PRKAR2B: variants seen among roughly 807,000 people sequenced by gnomAD.
PRKAR2B encodes protein kinase cAMP-dependent type II regulatory subunit beta.
In PRKAR2B, 14 loss-of-function variants were observed where a neutral mutation model predicts 49.9. The observed-to-expected ratio is 0.28, with a 90% CI of 0.19 to 0.44. PRKAR2B has a LOEUF of 0.44. Among genes scored for constraint, PRKAR2B ranks in the 20% least tolerant of loss-of-function variants. PRKAR2B has a pLI of 1.00. For missense variants in PRKAR2B, 393 were observed against 537.9 expected, an observed-to-expected ratio of 0.73 and a Z score of 2.67; for synonymous variants, 196 against 197.7, an observed-to-expected ratio of 0.99 and a Z score of 0.07.
Position 107,045,026 on chromosome 7 carries a change from A to G in PRKAR2B, c.119A>G (p.Gln40Arg). The G allele has an allele frequency of 6.4e-7, 1 of 1,551,466 alleles. No homozygotes were observed. The highest frequency in any genetic ancestry group is 8.7e-7 in the Non-Finnish European group (1 of 1,151,404). ...GCGCTGCAGCACTTCACCCGCCTGC[A>G]GCAGGAGAACGAGCGCAAAGGCACC... ...EFALQHFTRL[Q>R]QENERKGTAR... The change falls in exon 1 of 11, where the codon CAG becomes CGG. Residue 40 changes from glutamine (Q) to arginine (R), a missense_variant. Coordinates refer to ENST00000265717, the MANE Select transcript of PRKAR2B (RefSeq NM_002736.3).
At chr7:107,068,880 T>C (rs1398432475) in intron 1 of PRKAR2B, 3 of 152,178 alleles carry the variant, frequency 2.0e-5, no homozygotes, top group African/African-American at 7.2e-5. Flanking sequence ...TAAAACAAAT[T>C]AATAATTTTC....
At chr7:107,126,034 C>A (rs1282783816) in intron 3 of PRKAR2B, among the ~76,000 whole-genome samples, 2 of 144,028 alleles carry the variant, frequency 1.4e-5, no homozygotes, top group Non-Finnish European at 3.0e-5. Flanking sequence ...TTGTAGGGAA[C>A]CGAGTGCACC....
chr7:107,145,435 T>A (rs1250059443), intron 5 of PRKAR2B, among the ~76,000 whole-genome samples: 1 of 152,190 alleles, frequency 6.6e-6, no homozygotes, highest in Non-Finnish European at 1.5e-5. Context: ...TTTCTTCTGA[T>A]CACAAAAGTA....
chr7:107,159,421 T>G, intron 10 of PRKAR2B, 28 bp from the exon 11 acceptor site: 1 of 1,611,198 alleles, frequency 6.2e-7, no homozygotes, highest in South Asian at 1.1e-5. Context: ...AAGAATGTTA[T>G]TTAAAAAAAA....
At chr7:107,140,974 C>G (rs1302428501) in intron 5 of PRKAR2B, 21 bp downstream of exon 5, 1 of 1,542,382 alleles carries the variant, frequency 6.5e-7, no homozygotes, top group African/African-American at 1.4e-5. Flanking sequence ...CCCAACCTTA[C>G]TATTGAAATT....
chr7:107,160,617 A>C lies in PRKAR2B; in HGVS notation c.*1035A>C, dbSNP rs1796180683. The C allele has an allele frequency of 6.6e-6, 1 of 152,154 alleles. No homozygotes were observed. The highest frequency in any genetic ancestry group is 1.5e-5 in the Non-Finnish European group (1 of 68,024). 9.4% of individuals were successfully genotyped at this position (152,154 alleles called of 1,614,324 possible). A position where few individuals can be genotyped will look rare whatever the true frequency, so the allele number is the denominator to read the frequency against. On this transcript the variant is annotated 3_prime_UTR_variant, in exon 11 of 11. Coordinates refer to ENST00000265717, the MANE Select transcript of PRKAR2B (RefSeq NM_002736.3). Reference sequence around the variant, plus strand: ...TGGTTGCCAACCCACAATCTCATTGATCAGCAGCCAATATGGGTTTGTTTG... The same window carrying C: ...TGGTTGCCAACCCACAATCTCATTGCTCAGCAGCCAATATGGGTTTGTTTG...
chr7:107,091,931 CAT>C lies in PRKAR2B; in HGVS notation c.343+21616_343+21617del, dbSNP rs1180643559. The C allele has an allele frequency of 1.2e-4, 18 of 152,182 alleles. No homozygotes were observed. The East Asian group carries it at 3.3e-3, about 28-fold the overall frequency. 9.4% of individuals were successfully genotyped at this position (152,182 alleles called of 1,614,324 possible). On this transcript the variant is annotated intron_variant, in intron 2 of 10. Coordinates refer to ENST00000265717, the MANE Select transcript of PRKAR2B (RefSeq NM_002736.3). ...TAGAAGAGAGTATTTAATCCTAACTCATGTATTTATTTTGGGGAAAAGTGTCA... is the reference window on the plus strand; with the variant it reads ...TAGAAGAGAGTATTTAATCCTAACTCGTATTTATTTTGGGGAAAAGTGTCA...
At chr7:107,100,652 A>G (rs1794941656) in intron 2 of PRKAR2B, among the ~76,000 whole-genome samples, 1 of 152,170 alleles carries the variant, frequency 6.6e-6, no homozygotes, top group South Asian at 2.1e-4. Flanking sequence ...TGTCTCACAG[A>G]TATCTACGAC....
At chr7:107,090,721 A>G (rs1794719478) in intron 2 of PRKAR2B, among the ~76,000 whole-genome samples, 1 of 152,154 alleles carries the variant, frequency 6.6e-6, no homozygotes, top group Non-Finnish European at 1.5e-5. Context: ...TCTGTGAGGG[A>G]AGCTCAAGTC....
In PRKAR2B at chr7:107,121,988, A is replaced by G; in HGVS notation, c.380A>G (p.Asp127Gly). Residue 127 changes from aspartate (D) to glycine (G), a missense_variant, in exon 3 of 11, where the codon GAT (aspartate) becomes GGT (glycine). Asp to Gly is a moderately conservative substitution (Grantham distance 94). This residue lies in a region of PRKAR2B where 233 missense variants were observed against 390.4 expected (regional missense o/e 0.60). Coordinates refer to ENST00000265717, the MANE Select transcript of PRKAR2B (RefSeq NM_002736.3). ...AEAYNPDEEE[D>G]DAESRIIHPK... ...GCTTATAATCCTGATGAAGAAGAAG[A>G]TGATGCAGAGTCCAGGGTATGTAAT... 2 of 1,598,482 alleles carry G rather than the reference A, an allele frequency of 1.3e-6. No homozygotes were observed. The highest frequency in any genetic ancestry group is 8.6e-7 in the Non-Finnish European group (1 of 1,168,974).
intron 2 of PRKAR2B, among the ~76,000 whole-genome samples, chr7:107,103,625 G>C (rs1266652570): frequency 2.0e-5 from 3 of 152,188 alleles, no homozygotes; most frequent in African/African-American, 7.2e-5. Context: ...AGAGGCACTT[G>C]ATAAACTCTA....
At chr7:107,136,911 A>T (rs979640630) in intron 4 of PRKAR2B, among the ~76,000 whole-genome samples, 1 of 152,208 alleles carries the variant, frequency 6.6e-6, no homozygotes, top group Non-Finnish European at 1.5e-5. Flanking sequence ...AGCAACCAAG[A>T]TGTTGTTCAG....
intron 1 of PRKAR2B, among the ~76,000 whole-genome samples, chr7:107,064,408 G>T (rs542765134): frequency 6.6e-6 from 1 of 152,272 alleles, no homozygotes; most frequent in East Asian, 1.9e-4. Flanking sequence ...TCGATATTTC[G>T]TCTTACTCTG....
intron 1 of PRKAR2B, among the ~76,000 whole-genome samples, chr7:107,049,613 T>C (rs1169403925): frequency 3.3e-5 from 5 of 152,154 alleles, no homozygotes; most frequent in Admixed American, 6.5e-5. Flanking sequence ...TACAGAGTTA[T>C]ATACTTTTTT....
At chr7:107,107,103 G>A (rs1795086145) in intron 2 of PRKAR2B, among the ~76,000 whole-genome samples, 1 of 152,200 alleles carries the variant, frequency 6.6e-6, no homozygotes, top group Non-Finnish European at 1.5e-5. Flanking sequence ...TTGGGAGGCC[G>A]AGGTGGGTGG....
At chr7:107,090,632 C>T (rs545614782) in intron 2 of PRKAR2B, among the ~76,000 whole-genome samples, 3 of 152,198 alleles carry the variant, frequency 2.0e-5, no homozygotes, top group African/African-American at 2.4e-5. Context: ...CGCTGAGCTT[C>T]CTTTCCAGCC....
intron 3 of PRKAR2B, among the ~76,000 whole-genome samples, chr7:107,126,726 T>C (rs1294162461): frequency 6.6e-6 from 1 of 152,170 alleles, no homozygotes; most frequent in Non-Finnish European, 1.5e-5. Flanking sequence ...TGTGTTAGCC[T>C]TCCTTATTTG....
intron 2 of PRKAR2B, among the ~76,000 whole-genome samples, chr7:107,074,350 C>G (rs1470297755): frequency 6.6e-6 from 1 of 152,014 alleles, no homozygotes; most frequent in Non-Finnish European, 1.5e-5. Flanking sequence ...GTGATCTGCC[C>G]GCCTTGGCCT....
chr7:107,154,323 A>G (rs1796041458), intron 8 of PRKAR2B, among the ~76,000 whole-genome samples: 1 of 152,262 alleles, frequency 6.6e-6, no homozygotes, highest in Admixed American at 6.5e-5. Context: ...GTTAATAACA[A>G]TATCAAAACT....
Sources: allele counts gnomAD v4.1 joint callset (sites outside exome capture counted in the v4.1 genomes callset), GRCh38; gene constraint gnomAD v4.1.1; regional missense constraint gnomAD v4.1.1; transcripts MANE v1.5; gene names NCBI Gene and HGNC (gene_info 2026-07-23, HGNC 2026-07-21).